UBE2V2: variants seen among roughly 807,000 people sequenced by gnomAD.
UBE2V2 encodes ubiquitin-conjugating enzyme E2 variant 2.
UBE2V2 carries 9 observed loss-of-function variants against 17.2 expected under a neutral mutation model. The observed-to-expected ratio is 0.52, with a 90% CI of 0.32 to 0.91. The LOEUF (loss-of-function observed/expected upper bound fraction) is 0.91. Among genes scored for constraint, UBE2V2 ranks in the 40% least tolerant of loss-of-function variants. The pLI is 0.04. For synonymous variants in UBE2V2, 61 were observed against 57.5 expected (o/e 1.06, Z -0.28); for missense variants, 133 against 182.6 (o/e 0.73, Z 1.56).
intron 1 of UBE2V2, among the ~76,000 whole-genome samples, chr8:48,021,500 G>A (rs1389135943): frequency 6.6e-6 from 1 of 151,668 alleles, no homozygotes; most frequent in African/African-American, 2.4e-5. Context: ...TAGAGATGGG[G>A]TTTCACCGTG....
At chr8:48,033,864 G>A (rs2091401640) in intron 1 of UBE2V2, among the ~76,000 whole-genome samples, 1 of 152,074 alleles carries the variant, frequency 6.6e-6, no homozygotes, top group African/African-American at 2.4e-5. Context: ...GGCTAAGGTG[G>A]GAGGATCGCT....
At chr8:48,014,231 G>A (rs1352398803) in intron 1 of UBE2V2, among the ~76,000 whole-genome samples, 1 of 152,138 alleles carries the variant, frequency 6.6e-6, no homozygotes, top group African/African-American at 2.4e-5. Flanking sequence ...ACGGCAGTTG[G>A]CAGAGGTAAA....
At chr8:48,009,069 A>C (rs970747686) in intron 1 of UBE2V2, among the ~76,000 whole-genome samples, 2 of 152,186 alleles carry the variant, frequency 1.3e-5, no homozygotes, top group African/African-American at 4.8e-5. Flanking sequence ...ATGAAAGCTA[A>C]TTGAAGAACA....
chr8:48,034,128 CTTT>C (rs895844431), intron 1 of UBE2V2, among the ~76,000 whole-genome samples: 3 of 136,292 alleles, frequency 2.2e-5, no homozygotes, highest in African/African-American at 6.0e-5. Context: ...TTTTCTTTTC[CTTT>C]TTTTTTTTTG....
rs1377140556 is a variant in UBE2V2, at chr8:48,063,349, T to C, written c.*2521T>C. The C allele has an allele frequency of 4.6e-5, 7 of 152,268 alleles. No individual in the cohort carries two copies. Among genetic ancestry groups the C allele is most frequent in the Non-Finnish European group, 1.0e-4 (7 of 68,046 alleles). The allele number at this position is 152,268 out of a possible 1,614,324, so 9.4% of individuals were successfully genotyped here. On this transcript the variant is annotated 3_prime_UTR_variant, in exon 4 of 4. Transcript: ENST00000523111. The stretch of plus-strand genomic sequence containing the variant: ...TGGGAGACTGTAAGAGGAATTAATA[T>C]AGAAAAGCTCTTAATTATAATAACA...
In UBE2V2 at chr8:48,041,628, GT is replaced by G. The variant is rs574676730; in HGVS notation, c.17-1402del. ...GCTAAAATCACCTCAAATTTATAAG[GT>G]TTGATTAATAAATATTTACCTTTGC... On this transcript the variant is annotated intron_variant, in intron 1 of 3. Transcript: ENST00000523111. 10 of 152,088 alleles carry G rather than the reference GT, an allele frequency of 6.6e-5. No homozygotes were observed. The South Asian group carries it at 2.1e-3, about 32-fold the overall frequency. 9.4% of individuals were successfully genotyped at this position (152,088 alleles called of 1,614,324 possible).
intron 1 of UBE2V2, among the ~76,000 whole-genome samples, chr8:48,035,677 T>C (rs1205727530): frequency 1.1e-5 from 1 of 92,242 alleles, no homozygotes; most frequent in Non-Finnish European, 2.2e-5. Context: ...ATGTATGCTT[T>C]TTTTTTTTTT....
chr8:48,049,351 G>C (rs534329633), intron 2 of UBE2V2, among the ~76,000 whole-genome samples: 2 of 152,202 alleles, frequency 1.3e-5, no homozygotes, highest in South Asian at 4.1e-4. Context: ...TATCCAACAA[G>C]ACCCTTTTGA....
intron 3 of UBE2V2, among the ~76,000 whole-genome samples, chr8:48,056,689 G>T (rs1230755862): frequency 6.6e-6 from 1 of 151,948 alleles, no homozygotes; most frequent in African/African-American, 2.4e-5. Context: ...ACTGCACCTG[G>T]CCTGCCTTTC....
At chr8:48,024,430 T>A (rs1486951346) in intron 1 of UBE2V2, among the ~76,000 whole-genome samples, 2 of 152,020 alleles carry the variant, frequency 1.3e-5, no homozygotes, top group Admixed American at 1.3e-4. Flanking sequence ...ACCCCGTCTC[T>A]ACTGAAAATA....
upstream of UBE2V2, among the ~76,000 whole-genome samples, chr8:48,004,213 T>C (rs1432710068): frequency 6.6e-6 from 1 of 152,110 alleles, no homozygotes. Context: ...GTTTTCTCAA[T>C]CAGTAAGGAC....
intron 1 of UBE2V2, among the ~76,000 whole-genome samples, chr8:48,019,801 C>G (rs1250619680): frequency 6.6e-6 from 1 of 151,672 alleles, no homozygotes; most frequent in Non-Finnish European, 1.5e-5. Context: ...GGTGACAGAG[C>G]TAGACTCCGT....
chr8:48,007,396 A>G (rs1187318461), upstream of UBE2V2, among the ~76,000 whole-genome samples: 1 of 152,172 alleles, frequency 6.6e-6, no homozygotes, highest in East Asian at 1.9e-4. Context: ...TAAGCTGACA[A>G]GCAACTTCAG....
chr8:48,062,880 T>C lies in UBE2V2; in HGVS notation c.*2052T>C, dbSNP rs2154508402. On this transcript the variant is annotated 3_prime_UTR_variant, in exon 4 of 4. Coordinates refer to ENST00000523111, the MANE Select transcript of UBE2V2 (RefSeq NM_003350.3). ...ACAAATTAGTGCATTTGTAATTTGTTAAATTTGAAATGAACTATTACCTTG... is the reference window on the plus strand; with the variant it reads ...ACAAATTAGTGCATTTGTAATTTGTCAAATTTGAAATGAACTATTACCTTG... 6.6e-6 allele frequency: 1 copy of C among 152,356 alleles called. No homozygotes were observed. Among genetic ancestry groups the C allele is most frequent in the South Asian group, 2.1e-4 (1 of 4,834 alleles). The allele number at this position is 152,356 out of a possible 1,614,324, so 9.4% of individuals were successfully genotyped here. A position where few individuals can be genotyped will look rare whatever the true frequency, so the allele number is the denominator to read the frequency against.
chr8:48,057,972 T>G (rs1291294227), intron 3 of UBE2V2, among the ~76,000 whole-genome samples: 2 of 152,182 alleles, frequency 1.3e-5, no homozygotes, highest in Non-Finnish European at 2.9e-5. Flanking sequence ...TCAGGGTGCC[T>G]TTTATTTCGC....
chr8:48,036,955 G>A lies in UBE2V2; in HGVS notation c.17-6078G>A, dbSNP rs190059518. ...AGCACTTTGGGAGGCCAAGGTGGGC[G>A]GATCACAAGGTCAGGAGTTTGAGAC... On this transcript the variant is annotated intron_variant, in intron 1 of 3. Coordinates refer to ENST00000523111, the MANE Select transcript of UBE2V2 (RefSeq NM_003350.3). Among the ~76,000 whole-genome samples, 18 of 152,046 alleles carry A rather than the reference G, an allele frequency of 1.2e-4. No individual in the cohort carries two copies. The East Asian group carries it at 3.0e-3, about 25-fold the overall frequency.
chr8:48,006,833 A>G (rs2091186130), upstream of UBE2V2, among the ~76,000 whole-genome samples: 1 of 152,092 alleles, frequency 6.6e-6, no homozygotes, highest in South Asian at 2.1e-4. Context: ...AGCCAATATC[A>G]TACTGAATGG....
chr8:48,017,071 G>A (rs550745714), intron 1 of UBE2V2, among the ~76,000 whole-genome samples: 34 of 152,202 alleles, frequency 2.2e-4, no homozygotes, highest in Middle Eastern at 6.8e-3. Flanking sequence ...GATTACAGGC[G>A]TGAGCCACTG....
At chr8:48,039,915 A>G (rs2091450035) in intron 1 of UBE2V2, among the ~76,000 whole-genome samples, 1 of 151,940 alleles carries the variant, frequency 6.6e-6, no homozygotes, top group Admixed American at 6.6e-5. Context: ...TTTTTTGTAG[A>G]GATGGGGTCT....
Sources: gnomAD v4.1 joint callset for allele counts (sites outside exome capture counted in the v4.1 genomes callset) on GRCh38, gnomAD v4.1.1 for gene constraint, MANE v1.5 for transcripts, NCBI Gene and HGNC (gene_info 2026-07-23, HGNC 2026-07-21) for gene names.